CLIC6: variants seen among roughly 807,000 people sequenced by gnomAD.
The protein encoded by CLIC6 is chloride intracellular channel protein 6.
Under a neutral mutation model 49.2 loss-of-function variants are expected in CLIC6, and 39 were observed. The ratio of observed to expected loss-of-function variants is 0.79; its 90% CI spans 0.61 to 1.04. The LOEUF (loss-of-function observed/expected upper bound fraction) is 1.04. CLIC6 is among the 50% of genes least tolerant of loss of function. The pLI is 0.00. For missense variants in CLIC6, 988 were observed against 993.1 expected (o/e 0.99, Z 0.07); for synonymous variants, 446 against 433.4 (o/e 1.03, Z -0.36).
intron 1 of CLIC6, among the ~76,000 whole-genome samples, chr21:34,682,898 G>A (rs1257514972): frequency 8.8e-5 from 11 of 125,382 alleles, no homozygotes; most frequent in Admixed American, 6.3e-4. Context: ...TGCAAGCTCT[G>A]CCTCCCAGGT....
chr21:34,702,714 G>A (rs2055988659), intron 1 of CLIC6, among the ~76,000 whole-genome samples: 1 of 152,184 alleles, frequency 6.6e-6, no homozygotes, highest in African/African-American at 2.4e-5. Flanking sequence ...AAGTGTGTGA[G>A]GCCACTGGGC....
In CLIC6 at chr21:34,707,082, C is replaced by T. The variant is rs539363196; in HGVS notation, c.1375-198C>T. ...CAGTGCATACATGTGCATGTGCGTGCGTGTGTGGTGTTCTCTCCCCTAACC... is the reference window on the plus strand; with the variant it reads ...CAGTGCATACATGTGCATGTGCGTGTGTGTGTGGTGTTCTCTCCCCTAACC... On this transcript the variant is annotated intron_variant, in intron 1 of 5. Transcript: ENST00000349499. Among the ~76,000 whole-genome samples, 16 of 152,166 alleles carry T rather than the reference C, an allele frequency of 1.1e-4. No homozygotes were observed. In the South Asian group the frequency reaches 3.1e-3, roughly 30 times the overall value.
intron 1 of CLIC6, among the ~76,000 whole-genome samples, chr21:34,696,008 G>C (rs1216255257): frequency 6.6e-6 from 1 of 152,210 alleles, no homozygotes; most frequent in East Asian, 1.9e-4. Flanking sequence ...TGCCCCACTA[G>C]GTTGTCTAAG....
At chr21:34,701,231 A>G (rs1001842309) in intron 1 of CLIC6, among the ~76,000 whole-genome samples, 2 of 138,168 alleles carry the variant, frequency 1.4e-5, no homozygotes, top group Admixed American at 7.4e-5. Flanking sequence ...GAACCCGGGA[A>G]GCGGAGCTTG....
rs62213788 is a variant in CLIC6 at position 34,669,278 on chromosome 21, G to C, written c.-111G>C. 6 of 915,110 alleles carry C rather than the reference G, an allele frequency of 6.6e-6. No homozygotes were observed. In the South Asian group the frequency reaches 1.7e-4, roughly 26 times the overall value. The allele number at this position is 915,110 out of a possible 1,614,324, so 56.7% of individuals were successfully genotyped here. A position where few individuals can be genotyped will look rare whatever the true frequency, so the allele number is the denominator to read the frequency against. On this transcript the variant is annotated 5_prime_UTR_variant, in exon 1 of 6. Coordinates refer to ENST00000349499, the MANE Select transcript of CLIC6 (RefSeq NM_053277.3). ...ACCTTTGCCGCAGGATCCCGGAGCC[G>C]GCGTCCTTCAAGGAGCACAGAGGGC...
In CLIC6 at chr21:34,716,592, T is replaced by A; in HGVS notation, c.*110T>A. 1.2e-6 allele frequency: 1 copy of A among 817,446 alleles called. No individual in the cohort carries two copies. The highest frequency in any genetic ancestry group is 1.8e-6 in the Non-Finnish European group (1 of 558,116). 50.6% of individuals were successfully genotyped at this position (817,446 alleles called of 1,614,324 possible). A position where few individuals can be genotyped will look rare whatever the true frequency, so the allele number is the denominator to read the frequency against. On this transcript the variant is annotated 3_prime_UTR_variant, in exon 6 of 6. Coordinates refer to ENST00000349499, the MANE Select transcript of CLIC6 (RefSeq NM_053277.3). ...TCAATTCCTTCAATTTTTAAAAAAC[T>A]GGTCTCTGAGAGTTTTTTAAATCAT...
chr21:34,671,352 G>A (rs891016156), intron 1 of CLIC6, among the ~76,000 whole-genome samples: 2 of 152,116 alleles, frequency 1.3e-5, no homozygotes, highest in Non-Finnish European at 2.9e-5. Context: ...GTACGTTTAG[G>A]GGGGAATGGA....
chr21:34,716,562 T>C lies in CLIC6; in HGVS notation c.*80T>C, dbSNP rs2056086630. 1 of 1,212,508 alleles carries C rather than the reference T, an allele frequency of 8.2e-7. No individual in the cohort carries two copies. The highest frequency in any genetic ancestry group is 1.6e-5 in the African/African-American group (1 of 64,278). 75.1% of individuals were successfully genotyped at this position (1,212,508 alleles called of 1,614,324 possible). ...AGTGTGTTTGAAAACAAATTAGGTT[T>C]GGGTTCAATTCCTTCAATTTTTAAA... On this transcript the variant is annotated 3_prime_UTR_variant, in exon 6 of 6. Transcript: ENST00000349499.
chr21:34,716,863 C>A lies in CLIC6; in HGVS notation c.*381C>A, dbSNP rs1235660835. On this transcript the variant is annotated 3_prime_UTR_variant, in exon 6 of 6. Transcript: ENST00000349499. ...TCTCTCTCTCTCTCTCTCTCTCTAT[C>A]ACACACACACACACACACACACACA... The A allele has an allele frequency of 5.9e-5, 1 of 17,032 alleles. No individual in the cohort carries two copies. The allele number at this position is 17,032 out of a possible 1,614,324, so 1.1% of individuals were successfully genotyped here.
intron 4 of CLIC6, 34 bp downstream of exon 4, chr21:34,708,840 C>A: frequency 6.8e-7 from 1 of 1,474,346 alleles, no homozygotes; most frequent in Non-Finnish European, 9.5e-7. Flanking sequence ...TTTGTTTCAA[C>A]ACAGACTTGA....
chr21:34,707,452 C>T, intron 2 of CLIC6, 63 bp downstream of exon 2: 1 of 931,372 alleles, frequency 1.1e-6, no homozygotes, highest in South Asian at 1.3e-5. Flanking sequence ...CACACACACA[C>T]ACACACACAC....
intron 1 of CLIC6, among the ~76,000 whole-genome samples, chr21:34,672,634 G>A (rs770383448): frequency 3.3e-5 from 5 of 152,280 alleles, no homozygotes; most frequent in Middle Eastern, 3.4e-3. Flanking sequence ...TATCTCCAGC[G>A]CAGAACACAG....
At chr21:34,678,527 G>A (rs1989717139) in intron 1 of CLIC6, among the ~76,000 whole-genome samples, 1 of 152,080 alleles carries the variant, frequency 6.6e-6, no homozygotes, top group South Asian at 2.1e-4. Flanking sequence ...CAAAATTGGA[G>A]TTCGATTTAG....
intron 1 of CLIC6, among the ~76,000 whole-genome samples, chr21:34,688,573 C>T (rs1989927944): frequency 6.6e-6 from 1 of 152,224 alleles, no homozygotes; most frequent in South Asian, 2.1e-4. Context: ...CCTCAGGTAG[C>T]TCCATCTTGC....
intron 1 of CLIC6, among the ~76,000 whole-genome samples, chr21:34,701,656 C>G (rs1268931133): frequency 6.6e-6 from 1 of 152,210 alleles, no homozygotes; most frequent in Non-Finnish European, 1.5e-5. Flanking sequence ...AAGGTTCCAA[C>G]AGCTCTCCCT....
At chr21:34,708,849 G>A (rs774820470) in intron 4 of CLIC6, 43 bp downstream of exon 4, 1 of 1,412,388 alleles carries the variant, frequency 7.1e-7, no homozygotes, top group Non-Finnish European at 1.0e-6. Flanking sequence ...ACACAGACTT[G>A]AGTCTTAGCA....
At chr21:34,673,038 C>T (rs753082345) in intron 1 of CLIC6, among the ~76,000 whole-genome samples, 37 of 152,162 alleles carry the variant, frequency 2.4e-4, no homozygotes, top group Non-Finnish European at 5.1e-4. Flanking sequence ...GGGAAAATCC[C>T]TCTAGGTACG....
At position 34,670,274 on chromosome 21, in the gene CLIC6, C is replaced by T. The variant is rs1461919653; in HGVS notation, c.886C>T (p.Pro296Ser). ...AGRARRVSGE[P>S]QQSGDGSLSP... Reference sequence around the variant, plus strand: ...AAGGGCGCGCCGGGTCTCGGGTGAGCCGCAGCAATCGGGGGACGGCAGCCT... The same window carrying T: ...AAGGGCGCGCCGGGTCTCGGGTGAGTCGCAGCAATCGGGGGACGGCAGCCT... The change falls in exon 1 of 6, where the codon CCG (proline) becomes TCG (serine). Residue 296 changes from proline to serine, a missense_variant. Transcript: ENST00000349499. 2 of 1,441,262 alleles carry T rather than the reference C, an allele frequency of 1.4e-6. No homozygotes were observed. Among genetic ancestry groups the T allele is most frequent in the African/African-American group, 1.5e-5 (1 of 66,926 alleles). 89.3% of individuals were successfully genotyped at this position (1,441,262 alleles called of 1,614,324 possible).
chr21:34,714,464 G>A (rs1031291133), intron 5 of CLIC6, among the ~76,000 whole-genome samples: 1 of 152,120 alleles, frequency 6.6e-6, no homozygotes, highest in Non-Finnish European at 1.5e-5. Context: ...GAGGCGGGTG[G>A]ATCACTTGAG....
Sources: allele counts gnomAD v4.1 joint callset (sites outside exome capture counted in the v4.1 genomes callset), GRCh38; gene constraint gnomAD v4.1.1; transcripts MANE v1.5; gene names NCBI Gene and HGNC (gene_info 2026-07-23, HGNC 2026-07-21).